Variants in VPS35L observed in about 807,000 individuals in gnomAD.
VPS35L encodes the protein VPS35 endosomal protein sorting factor like.
A neutral mutation model predicts 133.0 loss-of-function variants in VPS35L; 83 were observed. That is an observed-to-expected ratio of 0.62 (90% confidence interval 0.52 to 0.75). The LOEUF (loss-of-function observed/expected upper bound fraction) is 0.75, where lower values mean the gene tolerates loss of function less well. VPS35L is among the 30% of genes least tolerant of loss of function. The pLI is 0.00. For missense variants in VPS35L, 1,083 were observed against 1,206.8 expected (o/e 0.90, Z 1.52); for synonymous variants, 423 against 449.9 (o/e 0.94, Z 0.76).
At chr16:19,632,039 G>T (rs1973472393) in intron 18 of VPS35L, among the ~76,000 whole-genome samples, 1 of 151,992 alleles carries the variant, frequency 6.6e-6, no homozygotes, top group African/African-American at 2.4e-5. Context: ...TCAGCTCACT[G>T]CAACCTCCGC....
At chr16:19,693,876 GA>G (rs1203283866) in intron 29 of VPS35L, among the ~76,000 whole-genome samples, 14 of 149,604 alleles carry the variant, frequency 9.4e-5, no homozygotes, top group African/African-American at 3.2e-4. Context: ...GCTGCGGCGG[GA>G]ACTCGAGGCT....
chr16:19,625,125 A>G (rs1597372589), intron 14 of VPS35L, among the ~76,000 whole-genome samples: 1 of 152,098 alleles, frequency 6.6e-6, no homozygotes, highest in African/African-American at 2.4e-5. Flanking sequence ...ATAGACTTCA[A>G]ACTGTGTTGG....
intron 26 of VPS35L, among the ~76,000 whole-genome samples, chr16:19,663,018 A>G (rs1974537356): frequency 6.6e-6 from 1 of 151,990 alleles, no homozygotes; most frequent in Non-Finnish European, 1.5e-5. Flanking sequence ...TTATAATGAT[A>G]ATAATAATAG....
chr16:19,671,924 C>T (rs902768517), intron 27 of VPS35L, among the ~76,000 whole-genome samples: 1 of 152,112 alleles, frequency 6.6e-6, no homozygotes, highest in Non-Finnish European at 1.5e-5. Flanking sequence ...TTCCTGGGGC[C>T]CCTCCCAGAG....
intron 26 of VPS35L, among the ~76,000 whole-genome samples, chr16:19,665,285 T>C (rs1974626717): frequency 6.6e-6 from 1 of 152,226 alleles, no homozygotes; most frequent in Non-Finnish European, 1.5e-5. Context: ...TCTTTCTATT[T>C]TTATTTTGTA....
intron 30 of VPS35L, 99 bp from the exon 31 acceptor site, chr16:19,700,279 G>T: frequency 9.3e-7 from 1 of 1,071,174 alleles, no homozygotes; most frequent in Non-Finnish European, 1.4e-6. Context: ...ACTCTTCTCT[G>T]CTAAGAAATC....
chr16:19,573,536 A>C (rs1422763169), intron 4 of VPS35L, among the ~76,000 whole-genome samples: 1 of 151,898 alleles, frequency 6.6e-6, no homozygotes, highest in Non-Finnish European at 1.5e-5. Context: ...TGAAGGGAGG[A>C]GGTCGGGCAC....
intron 14 of VPS35L, among the ~76,000 whole-genome samples, chr16:19,622,574 A>G (rs1973120243): frequency 6.6e-6 from 1 of 152,110 alleles, no homozygotes; most frequent in Non-Finnish European, 1.5e-5. Context: ...GTTGAAAAAA[A>G]TCCGTGTCTA....
intron 4 of VPS35L, among the ~76,000 whole-genome samples, chr16:19,573,682 G>T (rs1213294880): frequency 6.6e-6 from 1 of 152,020 alleles, no homozygotes; most frequent in Non-Finnish European, 1.5e-5. Context: ...GCGTGGTGGC[G>T]GGCACCTGTA....
rs143376869 is a variant in VPS35L at position 19,639,725 on chromosome 16, C to T, written c.1699-290C>T. On this transcript the variant is annotated intron_variant, in intron 20 of 30. Coordinates refer to ENST00000417362, the MANE Select transcript of VPS35L (RefSeq NM_020314.7). This position sits in a 1 kb window ranked among gnomAD's most constrained non-coding sequence, Gnocchi z 4.1. Reference sequence around the variant, plus strand: ...TGTATTTTTAGTAGAGACAGGGTTTCGCCATGTTGGCCAGGCTGGTCTTGA... The same window carrying T: ...TGTATTTTTAGTAGAGACAGGGTTTTGCCATGTTGGCCAGGCTGGTCTTGA... Among the ~76,000 whole-genome samples, 8,510 of 152,108 alleles carry T rather than the reference C, an allele frequency of 0.056. 777 individuals carry two copies. Among genetic ancestry groups the T allele is most frequent in the African/African-American group, 0.19 (7,763 of 41,442 alleles).
intron 25 of VPS35L, among the ~76,000 whole-genome samples, chr16:19,651,395 G>C (rs1025426071): frequency 1.3e-5 from 2 of 151,738 alleles, no homozygotes; most frequent in Admixed American, 6.6e-5. Flanking sequence ...TAGAGATGGG[G>C]CATATCACTA....
chr16:19,652,686 A>T (rs1334707368), intron 26 of VPS35L: 1 of 152,412 alleles, frequency 6.6e-6, no homozygotes, highest in Admixed American at 6.5e-5. Context: ...TCCTGAGCTC[A>T]GCACACCTGG....
At chr16:19,640,902 A>G (rs1331837683) in intron 21 of VPS35L, among the ~76,000 whole-genome samples, 2 of 152,086 alleles carry the variant, frequency 1.3e-5, no homozygotes, top group African/African-American at 2.4e-5. Flanking sequence ...GTGCCCCACT[A>G]CAACCCAGCT....
intron 15 of VPS35L, 66 bp downstream of exon 15, chr16:19,626,289 G>T: frequency 8.2e-7 from 1 of 1,226,662 alleles, no homozygotes. Context: ...TTTGAGCTTG[G>T]CCTGCTTACC....
intron 1 of VPS35L, among the ~76,000 whole-genome samples, chr16:19,559,489 CAAAA>C (rs1970960816): frequency 1.3e-5 from 2 of 151,986 alleles, no homozygotes; most frequent in Admixed American, 1.3e-4. Context: ...ACTATGTTAG[CAAAA>C]AGAAAAGGAA....
At chr16:19,651,248 G>A (rs1459080504) in intron 25 of VPS35L, among the ~76,000 whole-genome samples, 1 of 150,280 alleles carries the variant, frequency 6.7e-6, no homozygotes, top group Non-Finnish European at 1.5e-5. Flanking sequence ...ATGTGATGCT[G>A]CTCAAAATTT....
Position 19,682,230 on chromosome 16 carries a change from T to C in VPS35L, c.2367T>C (p.His789=). ...TTTTTTCGGTTCTCTGCTAGGATCA[T>C]CCTGAACATGGGGTCCTGTTTCTTG... The part of the protein sequence containing the change: ...FFSTLLIVPD[H]PEHGVLFLVR... The change falls in exon 28 of 31, where the codon CAT becomes CAC. Residue 789 remains histidine, a synonymous_variant. Coordinates refer to ENST00000417362, the MANE Select transcript of VPS35L (RefSeq NM_020314.7). 1 of 1,614,110 alleles carries C rather than the reference T, an allele frequency of 6.2e-7. No homozygotes were observed. Among genetic ancestry groups the C allele is most frequent in the Admixed American group, 1.7e-5 (1 of 60,008 alleles).
chr16:19,677,838 A>C (rs900870895), intron 27 of VPS35L, among the ~76,000 whole-genome samples: 1 of 152,076 alleles, frequency 6.6e-6, no homozygotes, highest in Non-Finnish European at 1.5e-5. Flanking sequence ...ATACGAGCTC[A>C]CCTGTGTTCT....
At chr16:19,654,613 C>G (rs1264025921) in intron 26 of VPS35L, among the ~76,000 whole-genome samples, 4 of 151,298 alleles carry the variant, frequency 2.6e-5, no homozygotes, top group African/African-American at 9.7e-5. Context: ...ACAGTCACCA[C>G]CAAAAACCTA....
Sources: allele counts gnomAD v4.1 joint callset (sites outside exome capture counted in the v4.1 genomes callset), GRCh38; gene constraint gnomAD v4.1.1; non-coding constraint Gnocchi (gnomAD v3.1); transcripts MANE v1.5; gene names NCBI Gene and HGNC (gene_info 2026-07-23, HGNC 2026-07-21).